NRXN3: variants seen among roughly 807,000 people sequenced by gnomAD.
The protein encoded by NRXN3 is neurexin III.
A neutral mutation model predicts 137.6 loss-of-function variants in NRXN3; 32 were observed. The observed-to-expected ratio is 0.23, with a 90% CI of 0.18 to 0.31. The LOEUF is 0.31. Ranked by LOEUF, NRXN3 falls within the 10% of genes least tolerant of loss-of-function variation. The pLI is 1.00. For synonymous variants in NRXN3, 798 were observed against 784.5 expected, an observed-to-expected ratio of 1.02 and a Z score of -0.29; for missense variants, 1,574 against 2,062.5, an observed-to-expected ratio of 0.76 and a Z score of 4.59.
intron 16 of NRXN3, among the ~76,000 whole-genome samples, chr14:79,484,256 G>T (rs2096635519): frequency 6.6e-6 from 1 of 152,138 alleles, no homozygotes. Context: ...GATGTTTGGT[G>T]ATTTGCATAC....
chr14:79,561,454 G>A (rs577520225), intron 16 of NRXN3, among the ~76,000 whole-genome samples: 8 of 152,290 alleles, frequency 5.3e-5, no homozygotes, highest in Admixed American at 5.2e-4. Flanking sequence ...TGCCACTTTT[G>A]TAGGTATACT....
At chr14:79,322,138 A>G (rs1042563319) in intron 15 of NRXN3, among the ~76,000 whole-genome samples, 1 of 152,216 alleles carries the variant, frequency 6.6e-6, no homozygotes, top group South Asian at 2.1e-4. Flanking sequence ...ATATTACGTG[A>G]CATCACCTTT....
chr14:78,283,740 C>G (rs903795312), intron 3 of NRXN3, among the ~76,000 whole-genome samples: 8 of 152,114 alleles, frequency 5.3e-5, no homozygotes, highest in Non-Finnish European at 1.2e-4. Context: ...AACTCCTGAC[C>G]ACCTGTGATC....
At chr14:78,577,033 A>G (rs1176033656) in intron 4 of NRXN3, among the ~76,000 whole-genome samples, 1 of 152,090 alleles carries the variant, frequency 6.6e-6, no homozygotes, top group Admixed American at 6.5e-5. Context: ...TCTTTGTGGT[A>G]ATTCTTTACT....
At chr14:78,900,063 A>G (rs894518073) in intron 10 of NRXN3, among the ~76,000 whole-genome samples, 3 of 152,018 alleles carry the variant, frequency 2.0e-5, no homozygotes, top group Non-Finnish European at 4.4e-5. Context: ...TTGATGAGAT[A>G]TATAATCTTT....
intron 16 of NRXN3, among the ~76,000 whole-genome samples, chr14:79,551,322 G>A (rs959399094): frequency 6.6e-6 from 1 of 152,042 alleles, no homozygotes; most frequent in African/African-American, 2.4e-5. Flanking sequence ...TGAGAGTCAG[G>A]GGCTTGTTTA....
chr14:78,756,261 G>A (rs535485500), intron 8 of NRXN3, among the ~76,000 whole-genome samples: 2 of 152,156 alleles, frequency 1.3e-5, no homozygotes, highest in Non-Finnish European at 2.9e-5. Context: ...GCTGAGGTGG[G>A]CAGATCACCT....
chr14:79,803,897 GTGTATATATATATA>G (rs1360742804), intron 19 of NRXN3, among the ~76,000 whole-genome samples: 8 of 139,798 alleles, frequency 5.7e-5, no homozygotes, highest in Admixed American at 1.4e-4. Context: ...AAAAGTGTGT[GTGTATATATATATA>G]TGTATATATA....
intron 16 of NRXN3, among the ~76,000 whole-genome samples, chr14:79,487,594 C>T (rs930362877): frequency 6.6e-6 from 1 of 152,022 alleles, no homozygotes; most frequent in Non-Finnish European, 1.5e-5. Context: ...CATCTCCTCT[C>T]TTTGCATGGG....
chr14:79,784,507 T>C (rs1313080198), intron 19 of NRXN3, among the ~76,000 whole-genome samples: 16 of 152,066 alleles, frequency 1.1e-4, no homozygotes, highest in Non-Finnish European at 1.5e-5. Flanking sequence ...TTGTATCATA[T>C]AGGACTGAAG....
At chr14:79,073,491 A>G (rs1167226288) in intron 15 of NRXN3, among the ~76,000 whole-genome samples, 1 of 152,174 alleles carries the variant, frequency 6.6e-6, no homozygotes, top group Non-Finnish European at 1.5e-5. Flanking sequence ...CTCCTGCTTG[A>G]TGTGAATAAA....
chr14:79,672,283 A>G (rs1158783680), intron 17 of NRXN3, among the ~76,000 whole-genome samples: 1 of 152,076 alleles, frequency 6.6e-6, no homozygotes, highest in Non-Finnish European at 1.5e-5. Context: ...GTTAAATGTT[A>G]TAAATATTAT....
chr14:79,370,497 T>A (rs1044865805), intron 15 of NRXN3, among the ~76,000 whole-genome samples: 2 of 151,890 alleles, frequency 1.3e-5, no homozygotes, highest in Non-Finnish European at 2.9e-5. Flanking sequence ...TTTGTTTTTT[T>A]AGTAGAGACA....
chr14:78,450,919 G>A (rs1005959585), intron 4 of NRXN3, among the ~76,000 whole-genome samples: 1 of 152,144 alleles, frequency 6.6e-6, no homozygotes, highest in Non-Finnish European at 1.5e-5. Context: ...TGGGGTGTGT[G>A]TGTGTGTGTG....
rs1601895745 is a variant in NRXN3 at position 78,651,337 on chromosome 14, C to T, written c.1221+11C>T. On this transcript the variant is annotated intron_variant, in intron 6 of 20. Coordinates refer to ENST00000335750, the MANE Select transcript of NRXN3 (RefSeq NM_001330195.2). ...GGCTGCCTTAAAGAGGTAAAGTTCA[C>T]CCAATTCTATTTAATGCACCATGTG... 6 of 1,613,216 alleles carry T rather than the reference C, an allele frequency of 3.7e-6. No homozygotes were observed. Among genetic ancestry groups the T allele is most frequent in the Non-Finnish European group, 4.2e-6 (5 of 1,179,514 alleles).
At chr14:78,197,909 T>C (rs995905415) in intron 1 of NRXN3, among the ~76,000 whole-genome samples, 11 of 152,300 alleles carry the variant, frequency 7.2e-5, no homozygotes, top group African/African-American at 2.6e-4. Context: ...AGAACCTTGA[T>C]TGAGTCCTGC....
intron 15 of NRXN3, among the ~76,000 whole-genome samples, chr14:79,381,026 A>G (rs1311915532): frequency 6.6e-6 from 1 of 152,068 alleles, no homozygotes; most frequent in East Asian, 1.9e-4. Context: ...GGTAAAGGGT[A>G]CACATGTGCC....
intron 16 of NRXN3, among the ~76,000 whole-genome samples, chr14:79,477,348 A>C (rs2096569119): frequency 6.6e-6 from 1 of 152,130 alleles, no homozygotes; most frequent in African/African-American, 2.4e-5. Context: ...TCTCTGATTC[A>C]AGGTCTAGTT....
intron 4 of NRXN3, among the ~76,000 whole-genome samples, chr14:78,474,612 G>T (rs1479832668): frequency 6.6e-6 from 1 of 152,080 alleles, no homozygotes; most frequent in East Asian, 1.9e-4. Flanking sequence ...CTAAAAATAA[G>T]TTCCTGGTTG....
Sources: allele counts gnomAD v4.1 joint callset (sites outside exome capture counted in the v4.1 genomes callset), GRCh38; gene constraint gnomAD v4.1.1; transcripts MANE v1.5; gene names NCBI Gene and HGNC (gene_info 2026-07-23, HGNC 2026-07-21).